Variants in SHC2 observed in about 807,000 individuals in gnomAD.
SHC2 encodes SHC-transforming protein 2.
Under a neutral mutation model 60.6 loss-of-function variants are expected in SHC2, and 62 were observed. The observed-to-expected ratio is 1.02, with a 90% CI of 0.83 to 1.26. SHC2 has a LOEUF of 1.26. Ranked by LOEUF, SHC2 falls within the 50% of genes most tolerant of loss-of-function variation. The probability of loss-of-function intolerance (pLI) is 0.00; values close to 1 mark genes in which losing one functional copy is unlikely to be tolerated. For missense variants in SHC2, 873 were observed against 822.2 expected (o/e 1.06, Z -0.76); for synonymous variants, 375 against 372.4 (o/e 1.01, Z -0.08).
intron 1 of SHC2, among the ~76,000 whole-genome samples, chr19:457,933 G>A (rs1457993108): frequency 6.6e-6 from 1 of 152,156 alleles, no homozygotes; most frequent in South Asian, 2.1e-4. Flanking sequence ...GCACAGACCC[G>A]GGGGAGGCGG....
At position 453,546 on chromosome 19, in the gene SHC2, C is replaced by T. The variant is rs903255889; in HGVS notation, c.468+6983G>A. ...CTTGGTCTTCCAAAATGCTGGATTA[C>T]AGGCGTGAGCCACCACGCCCGGCCA... is the stretch of plus-strand genomic sequence containing the variant. On this transcript the variant is annotated intron_variant, in intron 1 of 12. Transcript: ENST00000264554. This position sits in a 1 kb window ranked among gnomAD's most constrained non-coding sequence, Gnocchi z 6.3. Among the ~76,000 whole-genome samples, 2 of 152,182 alleles carry T rather than the reference C, an allele frequency of 1.3e-5. No homozygotes were observed. The highest frequency in any genetic ancestry group is 4.8e-5 in the African/African-American group (2 of 41,438).
intron 1 of SHC2, among the ~76,000 whole-genome samples, chr19:444,626 C>T (rs919012337): frequency 1.9e-4 from 29 of 152,194 alleles, no homozygotes; most frequent in African/African-American, 7.0e-4. Context: ...CAGATGCCTA[C>T]AGCCTTCAGG....
rs1974212457 is a variant in SHC2 at position 419,021 on chromosome 19, G to C, written c.1656C>G (p.Ser552Arg). The C allele has an allele frequency of 6.3e-7, 1 of 1,586,788 alleles. No individual in the cohort carries two copies. The highest frequency in any genetic ancestry group is 8.6e-7 in the Non-Finnish European group (1 of 1,166,940). Residue 552 changes from serine (S) to arginine (R), a missense_variant, in exon 12 of 13, where the codon AGC becomes AGG. Coordinates refer to ENST00000264554, the MANE Select transcript of SHC2 (RefSeq NM_012435.3). Reference sequence around the variant, plus strand: ...TCTGCAGGTGGTGGTCGATCAGGTGGCTGATGCTCTCAAACAGCACGTCCT... The same window carrying C: ...TCTGCAGGTGGTGGTCGATCAGGTGCCTGATGCTCTCAAACAGCACGTCCT... ...RTKDVLFESISHLIDHHLQNG... is the reference protein window; with the variant it reads ...RTKDVLFESIRHLIDHHLQNG...
In SHC2 at chr19:440,616, C is replaced by A. The variant is rs1459657540; in HGVS notation, c.539+246G>T. Among the ~76,000 whole-genome samples, 2 of 152,180 alleles carry A rather than the reference C, an allele frequency of 1.3e-5. No homozygotes were observed. Among genetic ancestry groups the A allele is most frequent in the Non-Finnish European group, 2.9e-5 (2 of 68,038 alleles). Reference sequence around the variant, plus strand: ...CGCCGTGCGGGGACTTGCCCAGCACCCTGTGAGCGACCGGCGTGTTCTTTC... The same window carrying A: ...CGCCGTGCGGGGACTTGCCCAGCACACTGTGAGCGACCGGCGTGTTCTTTC... On this transcript the variant is annotated intron_variant, in intron 2 of 12. Transcript: ENST00000264554. The surrounding 1 kb of genome is among the most constrained non-coding windows in gnomAD (Gnocchi z 7.0).
At chr19:427,400 G>A (rs1357308561) in intron 9 of SHC2, among the ~76,000 whole-genome samples, 1 of 152,208 alleles carries the variant, frequency 6.6e-6, no homozygotes, top group Non-Finnish European at 1.5e-5. Flanking sequence ...CTGCCGCGGA[G>A]CTACCTGAGG....
intron 1 of SHC2, among the ~76,000 whole-genome samples, chr19:459,513 A>G (rs1189626161): frequency 6.9e-6 from 1 of 145,088 alleles, no homozygotes; most frequent in Non-Finnish European, 1.5e-5. Context: ...CGTAGGGGGA[A>G]GGACCCTTCT....
chr19:435,141 C>G (rs75821794), intron 7 of SHC2, among the ~76,000 whole-genome samples: 6,576 of 152,340 alleles, frequency 0.043, 310 homozygotes, highest in East Asian at 0.22. Context: ...CCACCTCCGG[C>G]CCCGCCCGGC....
rs1975244025 is a variant in SHC2, at chr19:453,166, ATGT to A, written c.468+7360_468+7362del. On this transcript the variant is annotated intron_variant, in intron 1 of 12. Coordinates refer to ENST00000264554, the MANE Select transcript of SHC2 (RefSeq NM_012435.3). The surrounding 1 kb of genome is among the most constrained non-coding windows in gnomAD (Gnocchi z 6.3). The stretch of plus-strand genomic sequence containing the variant: ...GTCACACCGTCCTGAAAACAGCCCA[ATGT>A]TGTCTGGCCTTGGAAGCTGAGCAGG... The A allele has an allele frequency of 6.6e-6, 1 of 152,170 alleles. No individual in the cohort carries two copies. The highest frequency in any genetic ancestry group is 1.5e-5 in the Non-Finnish European group (1 of 68,068). 9.4% of individuals were successfully genotyped at this position (152,170 alleles called of 1,614,324 possible).
At position 445,525 on chromosome 19, in the gene SHC2, G is replaced by A. The variant is rs1975032197; in HGVS notation, c.469-4593C>T. Among the ~76,000 whole-genome samples, 1 of 152,182 alleles carries A rather than the reference G, an allele frequency of 6.6e-6. No homozygotes were observed. The highest frequency in any genetic ancestry group is 2.4e-5 in the African/African-American group (1 of 41,448). On this transcript the variant is annotated intron_variant, in intron 1 of 12. Coordinates refer to ENST00000264554, the MANE Select transcript of SHC2 (RefSeq NM_012435.3). This position sits in a 1 kb window ranked among gnomAD's most constrained non-coding sequence, Gnocchi z 4.4. ...TAGGTGGGAGGCTGTCTCGAAGCCA[G>A]GAGTTCAAGACCAGCCTGGGCAATG...
chr19:430,767 AG>A lies in SHC2; in HGVS notation c.1111-21del. ...TGGGCCCTGGAAACAGAGCAGTGAG[AG>A]GTTCCCCGGTGTGTGCAAGCCCCTC... is the stretch of plus-strand genomic sequence containing the variant. On this transcript the variant is annotated intron_variant, in intron 8 of 12. Coordinates refer to ENST00000264554, the MANE Select transcript of SHC2 (RefSeq NM_012435.3). 1.2e-6 allele frequency: 2 copies of A among 1,611,616 alleles called. No individual in the cohort carries two copies. Among genetic ancestry groups the A allele is most frequent in the Non-Finnish European group, 1.7e-6 (2 of 1,179,010 alleles).
At chr19:451,487 G>A (rs1975195354) in intron 1 of SHC2, among the ~76,000 whole-genome samples, 1 of 152,274 alleles carries the variant, frequency 6.6e-6, no homozygotes, top group Admixed American at 6.5e-5. Context: ...TTATGCTGCT[G>A]TGGCCGTGAG....
rs1193812207 is a variant in SHC2 at position 422,302 on chromosome 19, G to T, written c.1464C>A (p.Tyr488Ter). The change falls in exon 11 of 13, where the codon TAC becomes TAA. Residue 488 changes from tyrosine to a stop codon, truncating the protein, a stop_gained. Coordinates refer to ENST00000264554, the MANE Select transcript of SHC2 (RefSeq NM_012435.3). LOFTEE classifies it high-confidence loss of function. This position sits in a 1 kb window ranked among gnomAD's most constrained non-coding sequence, Gnocchi z 5.0. The part of the protein sequence containing the change: ...TEEQLRQEPW[Y>*]HGRMSRRAAE... ...CCGCCCGGCGGCTCATCCGGCCGTG[G>T]TACCAGGGCTCCTGACGCAGCTGTT... 1 of 1,611,964 alleles carries T rather than the reference G, an allele frequency of 6.2e-7. No individual in the cohort carries two copies. Among genetic ancestry groups the T allele is most frequent in the Admixed American group, 1.7e-5 (1 of 59,936 alleles).
At chr19:430,394 T>C (rs527559009) in intron 9 of SHC2, among the ~76,000 whole-genome samples, 2 of 146,938 alleles carry the variant, frequency 1.4e-5, no homozygotes, top group African/African-American at 5.1e-5. Context: ...CCAACATGCA[T>C]GGACACCTAA....
At chr19:442,104 C>T (rs778121937) in intron 1 of SHC2, among the ~76,000 whole-genome samples, 4 of 152,208 alleles carry the variant, frequency 2.6e-5, no homozygotes, top group Admixed American at 6.5e-5. Context: ...GCTGGGGAGC[C>T]AGGGAGCACT....
Position 429,521 on chromosome 19 carries a change from G to A in SHC2, c.1174+1163C>T, listed in dbSNP as rs530739393. 1.1e-3 allele frequency among the ~76,000 whole-genome samples: 162 copies of A among 148,620 alleles called. 1 individual carries two copies. The highest frequency in any genetic ancestry group is 6.1e-4 in the Non-Finnish European group (41 of 67,110). Reference sequence around the variant, plus strand: ...CCAACGTGCACGGAAACCTAACACCGTGTGGATGACGCAGTACCTATATCC... The same window carrying A: ...CCAACGTGCACGGAAACCTAACACCATGTGGATGACGCAGTACCTATATCC... On this transcript the variant is annotated intron_variant, in intron 9 of 12. Coordinates refer to ENST00000264554, the MANE Select transcript of SHC2 (RefSeq NM_012435.3).
intron 1 of SHC2, chr19:452,995 G>C (rs995393218): frequency 6.6e-6 from 1 of 152,238 alleles, no homozygotes; most frequent in African/African-American, 2.4e-5. Context: ...CTCTCACAAA[G>C]AGCTCCAGGA....
intron 9 of SHC2, among the ~76,000 whole-genome samples, chr19:428,349 G>A (rs1169873512): frequency 2.0e-5 from 3 of 152,194 alleles, no homozygotes; most frequent in Non-Finnish European, 4.4e-5. Flanking sequence ...GCACACAGGC[G>A]GACCGTTTAA....
In SHC2 at chr19:460,735, C is replaced by T. The variant is rs1427873164; in HGVS notation, c.262G>A (p.Ala88Thr). 182 of 981,604 alleles carry T rather than the reference C, an allele frequency of 1.9e-4. No individual in the cohort carries two copies. Among genetic ancestry groups the T allele is most frequent in the Non-Finnish European group, 2.2e-4 (181 of 829,272 alleles). The allele number at this position is 981,604 out of a possible 1,614,324, so 60.8% of individuals were successfully genotyped here. A position where few individuals can be genotyped will look rare whatever the true frequency, so the allele number is the denominator to read the frequency against. Reference protein sequence around the residue: ...AVLGACEPRCAAPCPLPALSR... With the variant: ...AVLGACEPRCTAPCPLPALSR... ...AGCGCGGGCAGGGGACAGGGCGCGG[C>T]GCAGCGGGGCTCGCAGGCGCCCAGG... Residue 88 changes from alanine (A) to threonine (T), a missense_variant, in exon 1 of 13, where the codon GCC becomes ACC. Coordinates refer to ENST00000264554, the MANE Select transcript of SHC2 (RefSeq NM_012435.3).
intron 1 of SHC2, among the ~76,000 whole-genome samples, chr19:444,642 C>G (rs553970157): frequency 6.6e-6 from 1 of 152,194 alleles, no homozygotes; most frequent in Non-Finnish European, 1.5e-5. Context: ...TCAGGATCAG[C>G]CAGGTAAACA....
Sources: allele counts gnomAD v4.1 joint callset (sites outside exome capture counted in the v4.1 genomes callset), GRCh38; gene constraint gnomAD v4.1.1; non-coding constraint Gnocchi (gnomAD v3.1); transcripts MANE v1.5; gene names NCBI Gene and HGNC (gene_info 2026-07-23, HGNC 2026-07-21).